The following PELI2 variants were observed in gnomAD, a reference collection of about 807,000 sequenced individuals.
PELI2 encodes pellino E3 ubiquitin protein ligase family member 2, also known as E3 ubiquitin-protein ligase pellino homolog 2.
In PELI2, 23 loss-of-function variants were observed where a neutral mutation model predicts 42.3. The observed-to-expected ratio is 0.54, with a 90% confidence interval of 0.39 to 0.77. The LOEUF is 0.77. Among genes scored for constraint, PELI2 ranks in the 30% least tolerant of loss-of-function variants. PELI2 has a pLI of 0.00. For missense variants in PELI2, 463 were observed against 553.2 expected (o/e 0.84, Z 1.64); for synonymous variants, 245 against 212.2 (o/e 1.15, Z -1.34).
chr14:56,218,584 A>G (rs1886997213), intron 2 of PELI2, among the ~76,000 whole-genome samples: 1 of 152,190 alleles, frequency 6.6e-6, no homozygotes, highest in Non-Finnish European at 1.5e-5. Flanking sequence ...CACCTCCCAG[A>G]TGTTTTCCTT....
In PELI2 at chr14:56,180,022, C is replaced by T. The variant is rs1203633864; in HGVS notation, c.207+1558C>T. ...AAAGTATCTCTTCTTTAATCTTTAGCCACTGCCATCTCCTCCCATTTTAGC... is the reference window on the plus strand; with the variant it reads ...AAAGTATCTCTTCTTTAATCTTTAGTCACTGCCATCTCCTCCCATTTTAGC... On this transcript the variant is annotated intron_variant, in intron 2 of 5. Coordinates refer to ENST00000267460, the MANE Select transcript of PELI2 (RefSeq NM_021255.3). The surrounding 1 kb of genome is among the most constrained non-coding windows in gnomAD (Gnocchi z 4.4). 6.6e-6 allele frequency among the ~76,000 whole-genome samples: 1 copy of T among 152,160 alleles called. No homozygotes were observed. The highest frequency in any genetic ancestry group is 1.5e-5 in the Non-Finnish European group (1 of 68,018).
chr14:56,160,859 T>C (rs527498260), intron 1 of PELI2, among the ~76,000 whole-genome samples: 2 of 152,314 alleles, frequency 1.3e-5, no homozygotes, highest in African/African-American at 4.8e-5. Context: ...ATCTTAGTTA[T>C]GGTTTAGGTA....
chr14:56,284,617 T>TCTA (rs66615048), intron 3 of PELI2, among the ~76,000 whole-genome samples: 25,875 of 152,172 alleles, frequency 0.17, 2,517 homozygotes, highest in South Asian at 0.37. Context: ...AATTAGTATC[T>TCTA]ATTAAGTTAA....
At chr14:56,196,943 A>T (rs1380967121) in intron 2 of PELI2, among the ~76,000 whole-genome samples, 1 of 152,212 alleles carries the variant, frequency 6.6e-6, no homozygotes, top group Non-Finnish European at 1.5e-5. Flanking sequence ...CTTGTTTTGC[A>T]TAAGAAGTGC....
At chr14:56,225,486 C>T (rs1268008647) in intron 2 of PELI2, among the ~76,000 whole-genome samples, 1 of 152,082 alleles carries the variant, frequency 6.6e-6, no homozygotes, top group East Asian at 1.9e-4. Context: ...CTGGAGCTCC[C>T]AGAATGATGG....
At chr14:56,292,400 T>C (rs1432982074) in intron 5 of PELI2, among the ~76,000 whole-genome samples, 5 of 152,222 alleles carry the variant, frequency 3.3e-5, no homozygotes, top group Non-Finnish European at 4.4e-5. Flanking sequence ...GCTTACTGAC[T>C]CTTTGAACTT....
At chr14:56,208,177 G>A (rs781651203) in intron 2 of PELI2, among the ~76,000 whole-genome samples, 1 of 152,152 alleles carries the variant, frequency 6.6e-6, no homozygotes, top group Non-Finnish European at 1.5e-5. Flanking sequence ...GAGGGCAGGC[G>A]CTAATGGGGA....
intron 1 of PELI2, among the ~76,000 whole-genome samples, chr14:56,164,368 C>G (rs1399822643): frequency 6.6e-6 from 1 of 152,104 alleles, no homozygotes; most frequent in Non-Finnish European, 1.5e-5. Flanking sequence ...GTTGAACCAT[C>G]CTTGCATCCC....
In PELI2 at chr14:56,118,625, G is replaced by A; in HGVS notation, c.-36G>A. 2 of 1,282,710 alleles carry A rather than the reference G, an allele frequency of 1.6e-6. No individual in the cohort carries two copies. The highest frequency in any genetic ancestry group is 2.0e-6 in the Non-Finnish European group (2 of 985,342). The allele number at this position is 1,282,710 out of a possible 1,614,324, so 79.5% of individuals were successfully genotyped here. On this transcript the variant is annotated 5_prime_UTR_variant, in exon 1 of 6. Coordinates refer to ENST00000267460, the MANE Select transcript of PELI2 (RefSeq NM_021255.3). Reference sequence around the variant, plus strand: ...GGCGGGGATCGCGGCGGAGGCGGCGGCGTCGGCGGCGGCGTCGGCGGCCGA... The same window carrying A: ...GGCGGGGATCGCGGCGGAGGCGGCGACGTCGGCGGCGGCGTCGGCGGCCGA...
intron 1 of PELI2, among the ~76,000 whole-genome samples, chr14:56,124,189 G>C (rs1883163870): frequency 6.6e-6 from 1 of 152,166 alleles, no homozygotes; most frequent in African/African-American, 2.4e-5. Context: ...TCTTAGCTTT[G>C]TCTAAATCAC....
In PELI2 at chr14:56,231,560, T is replaced by C. The variant is rs544877070; in HGVS notation, c.208-48116T>C. Among the ~76,000 whole-genome samples, 28 of 152,240 alleles carry C rather than the reference T, an allele frequency of 1.8e-4. No individual in the cohort carries two copies. The South Asian group carries it at 5.2e-3, about 28-fold the overall frequency. ...AAATAAAGATGTTCTTTGAAACCAA[T>C]GAGAACAAAGACACAACATACCAGA... On this transcript the variant is annotated intron_variant, in intron 2 of 5. Transcript: ENST00000267460.
chr14:56,237,049 G>A (rs1231552893), intron 2 of PELI2, among the ~76,000 whole-genome samples: 1 of 152,134 alleles, frequency 6.6e-6, no homozygotes, highest in Admixed American at 6.5e-5. Context: ...GAAAATCAAA[G>A]GAAAATTCTG....
intron 1 of PELI2, among the ~76,000 whole-genome samples, chr14:56,170,836 A>C (rs372825327): frequency 6.6e-6 from 1 of 152,240 alleles, no homozygotes; most frequent in Non-Finnish European, 1.5e-5. Flanking sequence ...CTCTGCATAT[A>C]TGAAGAGTTA....
At position 56,118,546 on chromosome 14, in the gene PELI2, C is replaced by A; in HGVS notation, c.-115C>A. ...GCGCCCCCTTCGCCGCCGTGCCCTTCCCCGGCGCGCTCACCCCGTTCTCGG... is the reference window on the plus strand; with the variant it reads ...GCGCCCCCTTCGCCGCCGTGCCCTTACCCGGCGCGCTCACCCCGTTCTCGG... On this transcript the variant is annotated 5_prime_UTR_variant, in exon 1 of 6. Coordinates refer to ENST00000267460, the MANE Select transcript of PELI2 (RefSeq NM_021255.3). 2 of 586,504 alleles carry A rather than the reference C, an allele frequency of 3.4e-6. No individual in the cohort carries two copies. The highest frequency in any genetic ancestry group is 5.1e-6 in the Non-Finnish European group (2 of 395,036). 36.3% of individuals were successfully genotyped at this position (586,504 alleles called of 1,614,324 possible).
intron 2 of PELI2, among the ~76,000 whole-genome samples, chr14:56,266,088 C>G (rs2139845329): frequency 6.6e-6 from 1 of 152,032 alleles, no homozygotes; most frequent in East Asian, 1.9e-4. Flanking sequence ...CAAACTATAC[C>G]TTTTTATAAG....
rs554696723 is a variant in PELI2 at position 56,294,713 on chromosome 14, C to T, written c.697-1887C>T. Among the ~76,000 whole-genome samples the T allele has an allele frequency of 1.8e-4, 27 of 152,300 alleles. No individual in the cohort carries two copies. The South Asian group carries it at 1.9e-3, about 11-fold the overall frequency. ...GGATAACATCCCAGATATGTTTCTT[C>T]GAGCCTGATCTGTCTCCAACGCTGC... On this transcript the variant is annotated intron_variant, in intron 5 of 5. Coordinates refer to ENST00000267460, the MANE Select transcript of PELI2 (RefSeq NM_021255.3).
At chr14:56,270,954 A>G (rs1349482101) in intron 2 of PELI2, among the ~76,000 whole-genome samples, 1 of 152,202 alleles carries the variant, frequency 6.6e-6, no homozygotes, top group Non-Finnish European at 1.5e-5. Flanking sequence ...GCTCAGCAGA[A>G]TAAAACCAGG....
At chr14:56,172,888 T>C (rs1038049694) in intron 1 of PELI2, among the ~76,000 whole-genome samples, 2 of 152,230 alleles carry the variant, frequency 1.3e-5, no homozygotes, top group East Asian at 3.8e-4. Flanking sequence ...TTGAAATTCT[T>C]TGGTCTTTGG....
intron 1 of PELI2, among the ~76,000 whole-genome samples, chr14:56,173,448 A>G (rs184267524): frequency 4.6e-5 from 7 of 152,170 alleles, no homozygotes; most frequent in African/African-American, 1.4e-4. Flanking sequence ...AAACAACTCT[A>G]AAATTTTTCT....
Sources: gnomAD v4.1 joint callset for allele counts (sites outside exome capture counted in the v4.1 genomes callset) on GRCh38, gnomAD v4.1.1 for gene constraint, Gnocchi (gnomAD v3.1) non-coding constraint, MANE v1.5 for transcripts, NCBI Gene and HGNC (gene_info 2026-07-23, HGNC 2026-07-21) for gene names.